RRP1: variants seen among roughly 807,000 people sequenced by gnomAD.
RRP1 encodes the protein ribosomal RNA processing 1, also known as ribosomal RNA processing protein 1 homolog A.
A neutral mutation model predicts 54.6 loss-of-function variants in RRP1; 37 were observed. The ratio of observed to expected loss-of-function variants is 0.68; its 90% CI spans 0.52 to 0.89. The LOEUF (loss-of-function observed/expected upper bound fraction) is 0.89. RRP1 is among the 40% of genes least tolerant of loss of function. RRP1 has a pLI of 0.00. For missense variants in RRP1, 639 were observed against 612.5 expected (o/e 1.04, Z -0.46); for synonymous variants, 262 against 244.3 (o/e 1.07, Z -0.67).
intron 12 of RRP1, chr21:43,802,600 C>T (rs2085106186): frequency 3.7e-6 from 2 of 542,588 alleles, no homozygotes; most frequent in Non-Finnish European, 6.7e-6. Context: ...TCCTTGTCTG[C>T]AGCTCCCCCG....
At chr21:43,803,305 G>A (rs1254085850) in intron 12 of RRP1, among the ~76,000 whole-genome samples, 2 of 152,174 alleles carry the variant, frequency 1.3e-5, no homozygotes, top group African/African-American at 2.4e-5. Flanking sequence ...CCTCACGCTG[G>A]TCCTTCTGAG....
Position 43,798,000 on chromosome 21 carries a change from C to G in RRP1, c.711C>G (p.Asp237Glu), listed in dbSNP as rs1287666272. 1 of 1,614,058 alleles carries G rather than the reference C, an allele frequency of 6.2e-7. No homozygotes were observed. The highest frequency in any genetic ancestry group is 8.5e-7 in the Non-Finnish European group (1 of 1,180,018). Reference sequence around the variant, plus strand: ...TTGAAGACCTCCTGAATGAACTGGACACACAGGATGAGGAGGTGGCGTCGG... The same window carrying G: ...TTGAAGACCTCCTGAATGAACTGGAGACACAGGATGAGGAGGTGGCGTCGG... ...LAIEDLLNELDTQDEEVASDS... is the reference protein window; with the variant it reads ...LAIEDLLNELETQDEEVASDS... Residue 237 changes from aspartate to glutamate, a missense_variant, in exon 8 of 13, where the codon GAC becomes GAG. By Grantham distance (45) the Asp-to-Glu change is conservative. Coordinates refer to ENST00000497547, the MANE Select transcript of RRP1 (RefSeq NM_003683.6).
intron 3 of RRP1, 101 bp from the exon 4 acceptor site, chr21:43,793,218 C>G: frequency 1.0e-6 from 1 of 1,003,670 alleles, no homozygotes; most frequent in South Asian, 1.4e-5. Context: ...CATTTTTTAT[C>G]TATAGCTATG....
chr21:43,799,537 C>T lies in RRP1; in HGVS notation c.812-33C>T, dbSNP rs746669938. ...GTTTGGGGCCAGCACACGTTGGGCACAGGTAGGGTTCACGGGGTCCCTTTT... is the reference window on the plus strand; with the variant it reads ...GTTTGGGGCCAGCACACGTTGGGCATAGGTAGGGTTCACGGGGTCCCTTTT... On this transcript the variant is annotated intron_variant, in intron 8 of 12. Transcript: ENST00000497547. 2.6e-6 allele frequency: 4 copies of T among 1,559,762 alleles called. No homozygotes were observed. In the East Asian group the frequency reaches 9.4e-5, roughly 37 times the overall value.
At chr21:43,793,219 T>G in intron 3 of RRP1, 100 bp from the exon 4 acceptor site, 3 of 1,009,402 alleles carry the variant, frequency 3.0e-6, no homozygotes, top group Non-Finnish European at 1.5e-6. Flanking sequence ...ATTTTTTATC[T>G]ATAGCTATGT....
intron 11 of RRP1, 32 bp from the exon 12 acceptor site, chr21:43,802,242 G>C (rs763810953): frequency 6.5e-7 from 1 of 1,543,506 alleles, no homozygotes; most frequent in East Asian, 2.2e-5. Flanking sequence ...CCCAGCCCCC[G>C]AGAGCCCCCT....
intron 7 of RRP1, 46 bp downstream of exon 7, chr21:43,797,741 C>A: frequency 6.2e-7 from 1 of 1,604,566 alleles, no homozygotes; most frequent in Non-Finnish European, 8.5e-7. Context: ...TCACTGAGTT[C>A]TTCCATGGGG....
chr21:43,797,418 TCAGA>T lies in RRP1; in HGVS notation c.424_427del (p.Gln142SerfsTer5). ...CCTGTCATGTTTGCTTTTTCTTTCC[TCAGA>T]CAGATCGAGGAGCTGCTAGAGCTGC... On this transcript the variant is annotated splice_acceptor_variant and splice_polypyrimidine_tract_variant and coding_sequence_variant and intron_variant, in exon 6 of 13. Coordinates refer to ENST00000497547, the MANE Select transcript of RRP1 (RefSeq NM_003683.6). LOFTEE classifies it high-confidence loss of function. 13 of 1,609,202 alleles carry T rather than the reference TCAGA, an allele frequency of 8.1e-6. No homozygotes were observed. Among genetic ancestry groups the T allele is most frequent in the Non-Finnish European group, 1.1e-5 (13 of 1,179,484 alleles).
chr21:43,803,435 C>T, intron 12 of RRP1, 77 bp from the exon 13 acceptor site: 2 of 1,469,144 alleles, frequency 1.4e-6, no homozygotes, highest in South Asian at 1.4e-5. Flanking sequence ...GTGCTGGCAT[C>T]CTCAGCCTGA....
chr21:43,793,226 A>C, intron 3 of RRP1, 93 bp from the exon 4 acceptor site: 1 of 1,073,150 alleles, frequency 9.3e-7, no homozygotes, highest in African/African-American at 1.6e-5. Flanking sequence ...ATCTATAGCT[A>C]TGTAAAGAAC....
In RRP1 at chr21:43,797,481, C is replaced by T. The variant is rs1378731628; in HGVS notation, c.482C>T (p.Ala161Val). 1 of 1,613,720 alleles carries T rather than the reference C, an allele frequency of 6.2e-7. No homozygotes were observed. Among genetic ancestry groups the T allele is most frequent in the Non-Finnish European group, 8.5e-7 (1 of 1,180,008 alleles). Residue 161 changes from alanine to valine, a missense_variant, in exon 6 of 13, where the codon GCC becomes GTC. Transcript: ENST00000497547. ...GAGATCCTGCACCCCAGCAGCCAGGCCCCCAACGGTGTGAAGAGCCACTTC... is the reference window on the plus strand; with the variant it reads ...GAGATCCTGCACCCCAGCAGCCAGGTCCCCAACGGTGTGAAGAGCCACTTC... ...MTEILHPSSQAPNGVKSHFIE... is the reference protein window; with the variant it reads ...MTEILHPSSQVPNGVKSHFIE...
At chr21:43,802,137 C>T (rs1231182879) in intron 11 of RRP1, 137 bp from the exon 12 acceptor site, 11 of 631,072 alleles carry the variant, frequency 1.7e-5, no homozygotes, top group Non-Finnish European at 2.3e-5. Flanking sequence ...ACACGCTGCT[C>T]CTGGGCATTA....
chr21:43,789,587 G>C lies in RRP1; in HGVS notation c.-43G>C, dbSNP rs1279525946. ...AGGAGGCGCGTGCTCAGTGTGCTGG[G>C]TACCAGGCGACTCCGGGACAGGGGG... On this transcript the variant is annotated 5_prime_UTR_variant, in exon 1 of 13. Transcript: ENST00000497547. 1.9e-6 allele frequency: 3 copies of C among 1,567,396 alleles called. No individual in the cohort carries two copies. The highest frequency in any genetic ancestry group is 2.6e-6 in the Non-Finnish European group (3 of 1,159,530).
In RRP1 at chr21:43,800,586, A is replaced by G; in HGVS notation, c.961A>G (p.Arg321Gly). The change falls in exon 10 of 13, where the codon AGA becomes GGA. Residue 321 changes from arginine (R) to glycine (G), a missense_variant. Physicochemically the swap from Arg to Gly is moderately radical, Grantham distance 125. Transcript: ENST00000497547. ...CCGCCAGAGCACCCCTTCTCAGAACAGAAAGCGTCTCTACAAAGTGATCCG... is the reference window on the plus strand; with the variant it reads ...CCGCCAGAGCACCCCTTCTCAGAACGGAAAGCGTCTCTACAAAGTGATCCG... Reference protein sequence around the residue: ...ASRQSTPSQNRKRLYKVIRKL... With the variant: ...ASRQSTPSQNGKRLYKVIRKL... The G allele has an allele frequency of 1.2e-6, 2 of 1,614,278 alleles. No individual in the cohort carries two copies. The highest frequency in any genetic ancestry group is 1.7e-6 in the Non-Finnish European group (2 of 1,180,052).
intron 8 of RRP1, among the ~76,000 whole-genome samples, chr21:43,798,830 C>T (rs544617383): frequency 1.3e-5 from 2 of 152,246 alleles, no homozygotes; most frequent in East Asian, 3.9e-4. Flanking sequence ...TGTCTTTGAC[C>T]ACGCTCAGGA....
chr21:43,794,927 A>AC (rs1306884362), intron 4 of RRP1, among the ~76,000 whole-genome samples: 2 of 136,316 alleles, frequency 1.5e-5, no homozygotes, highest in Non-Finnish European at 3.4e-5. Flanking sequence ...ATTACCCCCG[A>AC]CCCCCCATGC....
intron 12 of RRP1, 26 bp from the exon 13 acceptor site, chr21:43,803,486 C>T (rs1235365675): frequency 1.3e-6 from 2 of 1,526,924 alleles, no homozygotes; most frequent in Non-Finnish European, 1.8e-6. Context: ...CATTCTCTGG[C>T]TCATGGGGTC....
chr21:43,791,385 A>T lies in RRP1; in HGVS notation c.169A>T (p.Lys57Ter). The change falls in exon 2 of 13, where the codon AAA becomes TAA. Residue 57 changes from lysine to a stop codon, truncating the protein, a stop_gained. Transcript: ENST00000497547. LOFTEE classifies it high-confidence loss of function. ...GCACGACGAGCTGCTGAAGGTGTGG[A>T]AAGGACTGTTTTATTGCATGTGGAT... Reference protein sequence around the residue: ...FTHDELLKVWKGLFYCMWMQD... With the variant: ...FTHDELLKVW 1.1e-5 allele frequency: 18 copies of T among 1,614,042 alleles called. No individual in the cohort carries two copies. The highest frequency in any genetic ancestry group is 1.5e-5 in the Non-Finnish European group (18 of 1,179,982).
intron 8 of RRP1, among the ~76,000 whole-genome samples, chr21:43,798,825 T>C (rs567243126): frequency 1.3e-5 from 2 of 152,278 alleles, no homozygotes; most frequent in Middle Eastern, 3.4e-3. Context: ...GGGCATGTCT[T>C]TGACCACGCT....
Sources: allele counts gnomAD v4.1 joint callset (sites outside exome capture counted in the v4.1 genomes callset), GRCh38; gene constraint gnomAD v4.1.1; transcripts MANE v1.5; gene names NCBI Gene and HGNC (gene_info 2026-07-23, HGNC 2026-07-21).